NRG1: variants seen among roughly 807,000 people sequenced by gnomAD.
The protein encoded by NRG1 is pro-neuregulin-1, membrane-bound isoform.
NRG1 carries 18 observed loss-of-function variants against 63.8 expected under a neutral mutation model. That is an observed-to-expected ratio of 0.28 (90% CI 0.19 to 0.42). NRG1 has a LOEUF of 0.42. Among genes scored for constraint, NRG1 ranks in the 10% least tolerant of loss-of-function variants. The probability of loss-of-function intolerance (pLI) is 1.00; values close to 1 mark genes in which losing one functional copy is unlikely to be tolerated. For missense variants in NRG1, 762 were observed against 814.7 expected (o/e 0.94, Z 0.79); for synonymous variants, 302 against 301.3 (o/e 1.00, Z -0.02).
At chr8:31,812,436 A>G (rs1219106092) in intron 1 of NRG1, among the ~76,000 whole-genome samples, 28 of 152,188 alleles carry the variant, frequency 1.8e-4, no homozygotes, top group Non-Finnish European at 1.5e-5. Context: ...AGACAGTCTC[A>G]CAACAGGGAT....
At chr8:32,646,352 G>T (rs1853539350) in intron 5 of NRG1, among the ~76,000 whole-genome samples, 1 of 152,180 alleles carries the variant, frequency 6.6e-6, no homozygotes, top group African/African-American at 2.4e-5. Context: ...GGAAAAAAAT[G>T]TTCAAACTGT....
At chr8:31,720,990 AG>A (rs1029028831) in intron 1 of NRG1, among the ~76,000 whole-genome samples, 3 of 152,124 alleles carry the variant, frequency 2.0e-5, no homozygotes, top group Non-Finnish European at 4.4e-5. Context: ...GAGGGAAGCC[AG>A]GGGGTTTTCT....
chr8:32,613,343 A>T (rs1846712816), intron 3 of NRG1, among the ~76,000 whole-genome samples: 1 of 151,956 alleles, frequency 6.6e-6, no homozygotes, highest in Non-Finnish European at 1.5e-5. Context: ...GTCTCACATG[A>T]CTTTGTTTCC....
intron 1 of NRG1, among the ~76,000 whole-genome samples, chr8:31,677,994 C>A (rs1807896979): frequency 6.6e-6 from 1 of 150,636 alleles, no homozygotes; most frequent in Non-Finnish European, 1.5e-5. Context: ...TTTATAAGTT[C>A]ATCTGATTCT....
chr8:31,789,735 T>G (rs1461111810), intron 1 of NRG1, among the ~76,000 whole-genome samples: 2 of 152,204 alleles, frequency 1.3e-5, no homozygotes, highest in East Asian at 1.9e-4. Flanking sequence ...CCTTACATCC[T>G]TTTGTTTCCA....
At chr8:31,653,826 C>G (rs1254890573) in intron 1 of NRG1, among the ~76,000 whole-genome samples, 1 of 152,328 alleles carries the variant, frequency 6.6e-6, no homozygotes, top group South Asian at 2.1e-4. Context: ...GCCACATTCA[C>G]TCTGTCTCTC....
At chr8:32,070,384 A>G (rs1450104845) in intron 1 of NRG1, among the ~76,000 whole-genome samples, 3 of 152,202 alleles carry the variant, frequency 2.0e-5, no homozygotes, top group Non-Finnish European at 4.4e-5. Flanking sequence ...GTTAGATGAT[A>G]TAATATCTTT....
chr8:31,848,969 T>G (rs1826950411), intron 1 of NRG1, among the ~76,000 whole-genome samples: 1 of 152,172 alleles, frequency 6.6e-6, no homozygotes, highest in Non-Finnish European at 1.5e-5. Context: ...ATGGAAAAAT[T>G]ATCTTCCACG....
intron 1 of NRG1, among the ~76,000 whole-genome samples, chr8:32,466,841 A>G (rs1288646883): frequency 6.6e-6 from 1 of 152,132 alleles, no homozygotes; most frequent in African/African-American, 2.4e-5. Context: ...TCCTCTATTC[A>G]TATAATAGTG....
intron 5 of NRG1, among the ~76,000 whole-genome samples, chr8:32,708,861 G>C (rs915953157): frequency 9.9e-5 from 15 of 152,276 alleles, no homozygotes; most frequent in Non-Finnish European, 2.2e-4. Flanking sequence ...ACTGCCTATA[G>C]GAAGAAGTCA....
At chr8:31,851,121 G>A (rs987468083) in intron 1 of NRG1, among the ~76,000 whole-genome samples, 25 of 152,200 alleles carry the variant, frequency 1.6e-4, no homozygotes, top group African/African-American at 5.8e-4. Context: ...AAAGTTCTCA[G>A]AGTTAGTAGT....
chr8:32,514,667 A>G (rs1216542732), intron 1 of NRG1, among the ~76,000 whole-genome samples: 1 of 152,130 alleles, frequency 6.6e-6, no homozygotes, highest in Admixed American at 6.5e-5. Flanking sequence ...TTATGCCAGT[A>G]TGTAGGAAAT....
intron 1 of NRG1, chr8:32,441,199 G>T (rs1266264308): frequency 6.6e-6 from 1 of 152,110 alleles, no homozygotes; most frequent in Non-Finnish European, 1.5e-5. Context: ...CACTTTCCCT[G>T]ATAGTTTTTG....
rs558271795 is a variant in NRG1 at position 32,611,986 on chromosome 8, C to T, written c.401-2528C>T. 3.0e-4 allele frequency among the ~76,000 whole-genome samples: 45 copies of T among 152,052 alleles called. 1 individual carries two copies. In the South Asian group the frequency reaches 8.7e-3, roughly 29 times the overall value. Reference sequence around the variant, plus strand: ...GCAACTTTTTCCTGAGACCAGACCCCGTTTATTAAGAAAGAATTCAAACAT... The same window carrying T: ...GCAACTTTTTCCTGAGACCAGACCCTGTTTATTAAGAAAGAATTCAAACAT... On this transcript the variant is annotated intron_variant, in intron 3 of 11. Coordinates refer to ENST00000356819, the Ensembl canonical transcript of NRG1.
chr8:32,082,009 T>C (rs1363152950), intron 1 of NRG1, among the ~76,000 whole-genome samples: 1 of 152,040 alleles, frequency 6.6e-6, no homozygotes, highest in Non-Finnish European at 1.5e-5. Flanking sequence ...AAGGACACAG[T>C]ATTGCTGGCA....
intron 2 of NRG1, among the ~76,000 whole-genome samples, chr8:32,598,569 G>A (rs1472438757): frequency 6.6e-6 from 1 of 152,030 alleles, no homozygotes; most frequent in Non-Finnish European, 1.5e-5. Context: ...ACCAGAAAGG[G>A]CAATAGTTAG....
At chr8:32,190,228 A>T (rs1428444188) in intron 1 of NRG1, among the ~76,000 whole-genome samples, 1 of 151,230 alleles carries the variant, frequency 6.6e-6, no homozygotes, top group Non-Finnish European at 1.5e-5. Context: ...TTTCTTTTTT[A>T]AAAAATTGCT....
chr8:32,198,441 G>C (rs529234249), intron 1 of NRG1, among the ~76,000 whole-genome samples: 36 of 152,318 alleles, frequency 2.4e-4, no homozygotes, highest in African/African-American at 8.7e-4. Context: ...GCCTCCCAAA[G>C]TGCTGGGATT....
At chr8:32,062,490 C>G (rs1226156189) in intron 1 of NRG1, among the ~76,000 whole-genome samples, 1 of 152,040 alleles carries the variant, frequency 6.6e-6, no homozygotes, top group East Asian at 1.9e-4. Context: ...ATCTGACAGC[C>G]TCATGGAGAG....
Sources: allele counts gnomAD v4.1 joint callset (sites outside exome capture counted in the v4.1 genomes callset), GRCh38; gene constraint gnomAD v4.1.1; transcripts MANE v1.5; gene names NCBI Gene and HGNC (gene_info 2026-07-23, HGNC 2026-07-21).